Variants in RGMB observed in about 807,000 individuals in gnomAD.
RGMB encodes the protein repulsive guidance molecule B.
In RGMB, 16 loss-of-function variants were observed where a neutral mutation model predicts 26.9. The ratio of observed to expected loss-of-function variants is 0.60; its 90% CI spans 0.40 to 0.90. The LOEUF (loss-of-function observed/expected upper bound fraction) is 0.90. Among genes scored for constraint, RGMB ranks in the 40% least tolerant of loss-of-function variants. The pLI is 0.00. For synonymous variants in RGMB, 225 were observed against 229.3 expected, an observed-to-expected ratio of 0.98 and a Z score of 0.17; for missense variants, 512 against 573.3, an observed-to-expected ratio of 0.89 and a Z score of 1.09.
intron 2 of RGMB, among the ~76,000 whole-genome samples, chr5:98,782,848 C>G (rs1407334099): frequency 6.6e-6 from 1 of 152,166 alleles, no homozygotes; most frequent in Admixed American, 6.5e-5. Flanking sequence ...TTCCTAGGTA[C>G]CCCCCTTTTC....
intron 2 of RGMB, among the ~76,000 whole-genome samples, chr5:98,785,601 C>T (rs1410497449): frequency 6.6e-6 from 1 of 152,176 alleles, no homozygotes; most frequent in Non-Finnish European, 1.5e-5. Flanking sequence ...AGAACCCTGG[C>T]TCCCACTTTT....
chr5:98,793,739 AT>A lies in RGMB; in HGVS notation c.1301del (p.Ile434ThrfsTer18). 2 of 1,571,340 alleles carry A rather than the reference AT, an allele frequency of 1.3e-6. No homozygotes were observed. Among genetic ancestry groups the A allele is most frequent in the South Asian group, 2.3e-5 (2 of 86,164 alleles). On this transcript the variant is annotated frameshift_variant, in exon 3 of 3. Transcript: ENST00000513185. LOFTEE classifies it high-confidence loss of function. ...TCTAGGACTCACCTGCTTGATCCTT[AT>A]CGTGTTTTTGTAGGGGTTGTCTTTT... is the stretch of plus-strand genomic sequence containing the variant. ...VSLGLTCLIL[I>X]VFL
At chr5:98,785,819 A>G (rs1414560742) in intron 2 of RGMB, among the ~76,000 whole-genome samples, 1 of 152,230 alleles carries the variant, frequency 6.6e-6, no homozygotes, top group African/African-American at 2.4e-5. Flanking sequence ...TCAAAAGAGC[A>G]GAAATCAGCT....
At chr5:98,771,019 G>A (rs1036238562), upstream of RGMB, 5 of 254,206 alleles carry the variant, frequency 2.0e-5, no homozygotes, top group East Asian at 2.2e-4. Context: ...ATTAACTGGA[G>A]AACAGTTAAA....
intron 2 of RGMB, among the ~76,000 whole-genome samples, chr5:98,784,142 T>C (rs1204363922): frequency 3.3e-5 from 5 of 152,218 alleles, no homozygotes; most frequent in African/African-American, 1.2e-4. Context: ...CCAAGCAAGA[T>C]GACTGTTAGG....
chr5:98,789,114 A>G (rs144783601), intron 2 of RGMB, among the ~76,000 whole-genome samples: 1 of 152,240 alleles, frequency 6.6e-6, no homozygotes, highest in African/African-American at 2.4e-5. Context: ...AACCAGGTGC[A>G]TATCAAAATT....
Position 98,796,274 on chromosome 5 carries a change from C to T in RGMB, c.*2521C>T, listed in dbSNP as rs1317469800. 1 of 150,842 alleles carries T rather than the reference C, an allele frequency of 6.6e-6. No homozygotes were observed. Among genetic ancestry groups the T allele is most frequent in the Non-Finnish European group, 1.5e-5 (1 of 67,846 alleles). 9.3% of individuals were successfully genotyped at this position (150,842 alleles called of 1,614,324 possible). ...GGAAACACTGGTTTTCACAGATGCTCCACATGGCTGTCTTTAAAAGACTCA... is the reference window on the plus strand; with the variant it reads ...GGAAACACTGGTTTTCACAGATGCTTCACATGGCTGTCTTTAAAAGACTCA... On this transcript the variant is annotated 3_prime_UTR_variant, in exon 3 of 3. Transcript: ENST00000513185.
intron 1 of RGMB, among the ~76,000 whole-genome samples, chr5:98,776,840 A>C (rs1331396895): frequency 6.6e-6 from 1 of 152,198 alleles, no homozygotes; most frequent in Non-Finnish European, 1.5e-5. Flanking sequence ...TAATCCCAGC[A>C]CTTTGGGAGA....
intron 2 of RGMB, among the ~76,000 whole-genome samples, chr5:98,787,182 T>C (rs1746789530): frequency 6.6e-6 from 1 of 152,228 alleles, no homozygotes; most frequent in East Asian, 1.9e-4. Context: ...TTGAAATGCA[T>C]GGTAACCATT....
intron 1 of RGMB, among the ~76,000 whole-genome samples, chr5:98,779,307 A>C (rs1746512370): frequency 6.6e-6 from 1 of 152,222 alleles, no homozygotes; most frequent in South Asian, 2.1e-4. Flanking sequence ...TTGTAATCTC[A>C]ACCTGTGATC....
chr5:98,773,651 G>A (rs550523135), upstream of RGMB: 1 of 329,300 alleles, frequency 3.0e-6, no homozygotes, highest in African/African-American at 2.1e-5. Context: ...GATCGACCGC[G>A]GGGGCTGCCG....
chr5:98,793,857 G>A lies in RGMB; in HGVS notation c.*104G>A. 4 of 863,058 alleles carry A rather than the reference G, an allele frequency of 4.6e-6. No individual in the cohort carries two copies. In the Middle Eastern group the frequency reaches 1.0e-3, roughly 222 times the overall value. The allele number at this position is 863,058 out of a possible 1,614,324, so 53.5% of individuals were successfully genotyped here. On this transcript the variant is annotated 3_prime_UTR_variant, in exon 3 of 3. Coordinates refer to ENST00000513185, the MANE Select transcript of RGMB (RefSeq NM_001366508.1). ...AAAAGAGTATATATGTATATACCAT[G>A]TATATGACAGGATGTTTGTCCTGGG... is the stretch of plus-strand genomic sequence containing the variant.
At position 98,793,623 on chromosome 5, in the gene RGMB, T is replaced by C. The variant is rs1747015856; in HGVS notation, c.1184T>C (p.Val395Ala). Residue 395 changes from valine (V) to alanine (A), a missense_variant, in exon 3 of 3, where the codon GTG becomes GCG. Transcript: ENST00000513185. Reference protein sequence around the residue: ...TAAAHSALEDVEALHPRKERW... With the variant: ...TAAAHSALEDAEALHPRKERW... ...GCAGCCCACAGTGCCTTGGAGGATG[T>C]GGAGGCCCTGCACCCAAGGAAGGAA... 6.2e-7 allele frequency: 1 copy of C among 1,613,900 alleles called. No individual in the cohort carries two copies. The highest frequency in any genetic ancestry group is 1.3e-5 in the African/African-American group (1 of 74,940).
At position 98,794,239 on chromosome 5, in the gene RGMB, A is replaced by G. The variant is rs1181907876; in HGVS notation, c.*486A>G. Reference sequence around the variant, plus strand: ...TGGAGCTGCCTCGTTCCTTTGAACTATGCCCTCACCCTTCTGCCCTCACTT... The same window carrying G: ...TGGAGCTGCCTCGTTCCTTTGAACTGTGCCCTCACCCTTCTGCCCTCACTT... On this transcript the variant is annotated 3_prime_UTR_variant, in exon 3 of 3. Transcript: ENST00000513185. The G allele has an allele frequency of 2.0e-5, 3 of 152,898 alleles. No homozygotes were observed. Among genetic ancestry groups the G allele is most frequent in the South Asian group, 2.1e-4 (1 of 4,842 alleles). 9.5% of individuals were successfully genotyped at this position (152,898 alleles called of 1,614,324 possible).
intron 1 of RGMB, among the ~76,000 whole-genome samples, chr5:98,776,499 G>A (rs1746405978): frequency 6.6e-6 from 1 of 152,078 alleles, no homozygotes; most frequent in African/African-American, 2.4e-5. Context: ...GCATTGTCTT[G>A]GCATTTTGAC....
At position 98,774,188 on chromosome 5, in the gene RGMB, C is replaced by A; in HGVS notation, c.118C>A (p.Leu40Ile). The part of the protein sequence containing the change: ...LELLLLLLFS[L>I]GLLHAGDCQQ... ...GCTGCTGCTGCTGCTGCTGTTCAGC[C>A]TCGGGCTGCTCCACGCAGGTAGGAC... Residue 40 changes from leucine to isoleucine, a missense_variant, in exon 1 of 3, where the codon CTC becomes ATC. By Grantham distance (5) the Leu-to-Ile change is conservative. Coordinates refer to ENST00000513185, the MANE Select transcript of RGMB (RefSeq NM_001366508.1). 1 of 1,489,190 alleles carries A rather than the reference C, an allele frequency of 6.7e-7. No homozygotes were observed. The highest frequency in any genetic ancestry group is 8.9e-7 in the Non-Finnish European group (1 of 1,127,616). The allele number at this position is 1,489,190 out of a possible 1,614,324, so 92.2% of individuals were successfully genotyped here. A position where few individuals can be genotyped will look rare whatever the true frequency, so the allele number is the denominator to read the frequency against.
At chr5:98,774,334 C>A (rs761525733) in intron 1 of RGMB, 128 bp downstream of exon 1, 1 of 956,802 alleles carries the variant, frequency 1.0e-6, no homozygotes, top group South Asian at 2.3e-5. Context: ...GCCTCCCGAG[C>A]CCCTGACACG....
At position 98,794,806 on chromosome 5, in the gene RGMB, A is replaced by T. The variant is rs1385130511; in HGVS notation, c.*1053A>T. On this transcript the variant is annotated 3_prime_UTR_variant, in exon 3 of 3. Transcript: ENST00000513185. ...TCTCTAATGTAGAGGCCCAGATCCC[A>T]TCACAAAGTTTTTCATTCTTCCTTG... 6.6e-6 allele frequency: 1 copy of T among 152,128 alleles called. No individual in the cohort carries two copies. Among genetic ancestry groups the T allele is most frequent in the Non-Finnish European group, 1.5e-5 (1 of 68,048 alleles). The allele number at this position is 152,128 out of a possible 1,614,324, so 9.4% of individuals were successfully genotyped here.
intron 1 of RGMB, among the ~76,000 whole-genome samples, chr5:98,779,230 A>T (rs991281876): frequency 6.6e-6 from 1 of 152,224 alleles, no homozygotes; most frequent in African/African-American, 2.4e-5. Context: ...GCGTAACCTT[A>T]GAGTAATCTT....
Sources: gnomAD v4.1 joint callset for allele counts (sites outside exome capture counted in the v4.1 genomes callset) on GRCh38, gnomAD v4.1.1 for gene constraint, MANE v1.5 for transcripts, NCBI Gene and HGNC (gene_info 2026-07-23, HGNC 2026-07-21) for gene names.